THADA: variants seen among roughly 807,000 people sequenced by gnomAD.
THADA encodes THADA armadillo repeat containing, also known as tRNA (32-2'-O)-methyltransferase regulator THADA.
Under a neutral mutation model 219.8 loss-of-function variants are expected in THADA, and 213 were observed. That is an observed-to-expected ratio of 0.97 (90% CI 0.87 to 1.09). The LOEUF is 1.09. Among genes scored for constraint, THADA ranks in the 50% least tolerant of loss-of-function variants. THADA has a pLI of 0.00. For synonymous variants in THADA, 1,018 were observed against 828.9 expected (o/e 1.23, Z -3.92); for missense variants, 2,956 against 2,311.3 (o/e 1.28, Z -5.72).
chr2:43,287,144 T>G (rs2104345827), intron 34 of THADA, 83 bp from the exon 35 acceptor site: 1 of 1,339,250 alleles, frequency 7.5e-7, no homozygotes, highest in East Asian at 2.5e-5. Context: ...TACACCAAAC[T>G]GGGCCTGTAG....
intron 29 of THADA, chr2:43,391,876 T>C (rs1451852407): frequency 6.6e-6 from 1 of 152,326 alleles, no homozygotes; most frequent in African/African-American, 2.4e-5. Context: ...CTTAAGATTT[T>C]TCTCCTTTCA....
intron 36 of THADA, among the ~76,000 whole-genome samples, chr2:43,248,619 T>C (rs1293370645): frequency 1.3e-5 from 2 of 152,262 alleles, no homozygotes; most frequent in Non-Finnish European, 2.9e-5. Context: ...AATGTTCATA[T>C]AATTCAGATT....
chr2:43,572,930 T>C lies in THADA; in HGVS notation c.1792A>G (p.Met598Val). ...GCTCTAGCTATTCGCAGACATGCCATCAAAGCTCCCAGAGCCCCCCTGCTA... is the reference window on the plus strand; with the variant it reads ...GCTCTAGCTATTCGCAGACATGCCACCAAAGCTCCCAGAGCCCCCCTGCTA... ...CNSRGALGAL[M>V]ACLRIARAHG... The change falls in exon 12 of 38, where the codon ATG becomes GTG. Residue 598 changes from methionine to valine, a missense_variant. Transcript: ENST00000405975. 1.2e-6 allele frequency: 2 copies of C among 1,613,934 alleles called. No individual in the cohort carries two copies. Among genetic ancestry groups the C allele is most frequent in the Non-Finnish European group, 1.7e-6 (2 of 1,179,848 alleles).
At chr2:43,256,813 A>C (rs1670363878) in intron 36 of THADA, among the ~76,000 whole-genome samples, 1 of 152,102 alleles carries the variant, frequency 6.6e-6, no homozygotes. Flanking sequence ...TCCTGGGCTC[A>C]AGTGATCCTT....
intron 26 of THADA, among the ~76,000 whole-genome samples, chr2:43,457,053 C>G (rs985831349): frequency 6.6e-6 from 1 of 151,730 alleles, no homozygotes; most frequent in African/African-American, 2.4e-5. Flanking sequence ...TGTGTGCACA[C>G]ACGTGCCAAA....
intron 36 of THADA, among the ~76,000 whole-genome samples, chr2:43,235,244 C>T (rs1335919783): frequency 5.3e-5 from 8 of 151,848 alleles, no homozygotes; most frequent in South Asian, 2.1e-4. Flanking sequence ...CCTTCCAATG[C>T]GCTGGGATTA....
At chr2:43,325,027 C>T (rs967251261) in intron 30 of THADA, among the ~76,000 whole-genome samples, 33 of 152,334 alleles carry the variant, frequency 2.2e-4, no homozygotes, top group South Asian at 4.1e-4. Flanking sequence ...GTTAAGAATC[C>T]TGTTTTCTTC....
chr2:43,237,397 A>AT (rs70963388), intron 36 of THADA, among the ~76,000 whole-genome samples: 128,592 of 132,308 alleles, frequency 0.97, 62,542 homozygotes, highest in East Asian at 0.99. Flanking sequence ...AACTCATTTG[A>AT]TTTTTTTTTT....
Position 43,569,292 on chromosome 2 carries a change from C to T in THADA, c.2187+1096G>A, listed in dbSNP as rs149601072. ...ACTAGTCGCTTTTAATGACTCCCAG[C>T]AAGGCTTTGTAGAGAGATATATAGT... On this transcript the variant is annotated intron_variant, in intron 14 of 37. Transcript: ENST00000405975. Among the ~76,000 whole-genome samples the T allele has an allele frequency of 4.6e-5, 7 of 152,352 alleles. No homozygotes were observed. In the East Asian group the frequency reaches 1.3e-3, roughly 29 times the overall value.
chr2:43,274,855 T>C (rs1036360172), intron 36 of THADA, among the ~76,000 whole-genome samples: 1 of 152,098 alleles, frequency 6.6e-6, no homozygotes, highest in African/African-American at 2.4e-5. Context: ...TAAGAAAGTT[T>C]CTACCAAGAA....
At chr2:43,514,422 G>A in intron 22 of THADA, among the ~76,000 whole-genome samples, 1 of 147,048 alleles carries the variant, frequency 6.8e-6, no homozygotes, top group East Asian at 1.9e-4. Context: ...AGGCACTCCA[G>A]CCTGGGTGAC....
intron 26 of THADA, among the ~76,000 whole-genome samples, chr2:43,434,567 T>C (rs1429104968): frequency 6.6e-6 from 1 of 152,102 alleles, no homozygotes; most frequent in African/African-American, 2.4e-5. Context: ...AGCGGCTGGA[T>C]GGCAGGAATA....
intron 19 of THADA, among the ~76,000 whole-genome samples, chr2:43,551,502 C>T (rs1696733033): frequency 6.6e-6 from 1 of 151,398 alleles, no homozygotes; most frequent in African/African-American, 2.4e-5. Flanking sequence ...TTCCAATTTT[C>T]AGATTTGGGA....
intron 26 of THADA, among the ~76,000 whole-genome samples, chr2:43,479,843 T>C: frequency 6.6e-6 from 1 of 152,202 alleles, no homozygotes; most frequent in South Asian, 2.1e-4. Flanking sequence ...CACCAAAAAA[T>C]ACACATCCTT....
chr2:43,448,621 G>T (rs1186283858), intron 26 of THADA, among the ~76,000 whole-genome samples: 1 of 127,022 alleles, frequency 7.9e-6, no homozygotes, highest in African/African-American at 3.0e-5. Context: ...CCCACTTTCA[G>T]AAGACAGATA....
intron 26 of THADA, among the ~76,000 whole-genome samples, chr2:43,431,234 G>A (rs1006401083): frequency 3.9e-5 from 6 of 151,932 alleles, no homozygotes; most frequent in Non-Finnish European, 7.4e-5. Context: ...AAACTGAAAC[G>A]TTTTTACACA....
At chr2:43,258,411 A>G (rs946914928) in intron 36 of THADA, among the ~76,000 whole-genome samples, 7 of 152,056 alleles carry the variant, frequency 4.6e-5, no homozygotes, top group African/African-American at 1.4e-4. Flanking sequence ...AATCCCAGCT[A>G]CTTGGGAGGC....
In THADA at chr2:43,402,967, C is replaced by A. The variant is rs1675052451; in HGVS notation, c.4059-4828G>T. 2.0e-5 allele frequency among the ~76,000 whole-genome samples: 3 copies of A among 152,208 alleles called. No homozygotes were observed. In the South Asian group the frequency reaches 6.2e-4, roughly 32 times the overall value. On this transcript the variant is annotated intron_variant, in intron 28 of 37. Coordinates refer to ENST00000405975, the MANE Select transcript of THADA (RefSeq NM_022065.5). ...CAAACTGCCCCTCAGGGCACCCAGA[C>A]AAAAGGAAGGAAACTGAGATTAAGT...
At chr2:43,475,218 A>T (rs1558820478) in intron 26 of THADA, among the ~76,000 whole-genome samples, 1 of 152,030 alleles carries the variant, frequency 6.6e-6, no homozygotes, top group African/African-American at 2.4e-5. Context: ...GGAATTTGAG[A>T]CCAGCCTGGG....
Sources: allele counts gnomAD v4.1 joint callset (sites outside exome capture counted in the v4.1 genomes callset), GRCh38; gene constraint gnomAD v4.1.1; transcripts MANE v1.5; gene names NCBI Gene and HGNC (gene_info 2026-07-23, HGNC 2026-07-21).